THSD7B: variants seen among roughly 807,000 people sequenced by gnomAD.
THSD7B encodes the protein thrombospondin type-1 domain-containing protein 7B.
In THSD7B, 138 loss-of-function variants were observed where a neutral mutation model predicts 213.6. The observed-to-expected ratio is 0.65, with a 90% CI of 0.56 to 0.74. The LOEUF is 0.74. Ranked by LOEUF, THSD7B falls within the 30% of genes least tolerant of loss-of-function variation. THSD7B has a pLI of 0.00. For missense variants in THSD7B, 1,931 were observed against 1,991.5 expected (o/e 0.97, Z 0.58); for synonymous variants, 742 against 687.0 (o/e 1.08, Z -1.25).
chr2:137,453,677 A>G (rs1217041211), intron 15 of THSD7B, among the ~76,000 whole-genome samples: 1 of 152,132 alleles, frequency 6.6e-6, no homozygotes, highest in African/African-American at 2.4e-5. Context: ...CACTATTATT[A>G]ACTACATTTA....
chr2:137,516,025 C>T (rs556263596), intron 15 of THSD7B, among the ~76,000 whole-genome samples: 1 of 152,340 alleles, frequency 6.6e-6, no homozygotes, highest in African/African-American at 2.4e-5. Context: ...TCAACTACAA[C>T]ATTTAAATGC....
At chr2:137,015,994 AAT>A (rs1686332760) in intron 2 of THSD7B, among the ~76,000 whole-genome samples, 1 of 152,160 alleles carries the variant, frequency 6.6e-6, no homozygotes, top group Non-Finnish European at 1.5e-5. Context: ...GGTAAAACAG[AAT>A]AATTCAATTT....
chr2:137,102,196 C>A (rs1688164271), intron 4 of THSD7B, among the ~76,000 whole-genome samples: 1 of 152,218 alleles, frequency 6.6e-6, no homozygotes, highest in South Asian at 2.1e-4. Flanking sequence ...GAGGAAGGAA[C>A]AGGCAGCAAT....
chr2:136,881,927 G>T (rs1465613), intron 1 of THSD7B, among the ~76,000 whole-genome samples: 130,763 of 152,092 alleles, frequency 0.86, 56,581 homozygotes, highest in Non-Finnish European at 0.91. Flanking sequence ...TTTCATTCAT[G>T]AATACACTTC....
chr2:137,610,609 G>A (rs1266777400), intron 17 of THSD7B, among the ~76,000 whole-genome samples: 1 of 152,156 alleles, frequency 6.6e-6, no homozygotes, highest in Non-Finnish European at 1.5e-5. Context: ...CACATGAAGA[G>A]TTGACTCAGA....
chr2:137,520,765 T>C (rs1259220855), intron 15 of THSD7B, among the ~76,000 whole-genome samples: 2 of 152,194 alleles, frequency 1.3e-5, no homozygotes, highest in African/African-American at 4.8e-5. Flanking sequence ...CCAATAAACA[T>C]GGCAACATTC....
intron 13 of THSD7B, 98 bp downstream of exon 13, chr2:137,405,905 G>A (rs1296176788): frequency 9.2e-7 from 1 of 1,083,054 alleles, no homozygotes; most frequent in Non-Finnish European, 1.3e-6. Flanking sequence ...TTTGCATCAG[G>A]TCTCTTCCTC....
chr2:136,878,175 GT>G (rs1235385067), intron 1 of THSD7B, among the ~76,000 whole-genome samples: 5 of 152,096 alleles, frequency 3.3e-5, no homozygotes, highest in Non-Finnish European at 5.9e-5. Context: ...GCGGTGTTTG[GT>G]TTTTTGTCCT....
intron 12 of THSD7B, among the ~76,000 whole-genome samples, chr2:137,380,316 G>A (rs1033595514): frequency 6.6e-6 from 1 of 152,066 alleles, no homozygotes; most frequent in African/African-American, 2.4e-5. Context: ...CTACTCATTG[G>A]GAGAATTGCT....
intron 2 of THSD7B, among the ~76,000 whole-genome samples, chr2:136,919,853 G>C (rs929499819): frequency 2.6e-5 from 4 of 152,204 alleles, no homozygotes; most frequent in African/African-American, 9.7e-5. Context: ...CTGTGGCAGG[G>C]CGGGCAGCTC....
chr2:137,338,216 T>C (rs182238053), intron 12 of THSD7B, among the ~76,000 whole-genome samples: 1 of 152,182 alleles, frequency 6.6e-6, no homozygotes, highest in Non-Finnish European at 1.5e-5. Flanking sequence ...AATGGCCAGG[T>C]AGGCTTGCTC....
chr2:136,796,979 A>ATC (rs902154636), intron 1 of THSD7B, among the ~76,000 whole-genome samples: 6 of 73,528 alleles, frequency 8.2e-5, no homozygotes, highest in African/African-American at 2.4e-4. Context: ...ATCATATTTG[A>ATC]TCACACACAC....
At chr2:136,994,506 G>C (rs1685845778) in intron 2 of THSD7B, among the ~76,000 whole-genome samples, 1 of 152,190 alleles carries the variant, frequency 6.6e-6, no homozygotes, top group African/African-American at 2.4e-5. Flanking sequence ...GGCGGAGCTT[G>C]CAGTGAGCTG....
intron 2 of THSD7B, among the ~76,000 whole-genome samples, chr2:136,963,374 GC>G (rs1284386851): frequency 1.3e-5 from 2 of 152,188 alleles, no homozygotes; most frequent in African/African-American, 4.8e-5. Context: ...AAAGAACGGG[GC>G]TGAATACCCT....
chr2:137,230,744 A>G (rs1681617101), intron 7 of THSD7B, among the ~76,000 whole-genome samples: 1 of 152,172 alleles, frequency 6.6e-6, no homozygotes, highest in African/African-American at 2.4e-5. Context: ...AAAAGCATAT[A>G]CTTGTTATAT....
chr2:137,211,336 A>ACACACACACACACACACACACACAGAGG (rs1553479451), intron 7 of THSD7B, among the ~76,000 whole-genome samples: 18 of 77,348 alleles, frequency 2.3e-4, no homozygotes, highest in African/African-American at 7.0e-4. Context: ...CTTCCTACAC[A>ACACACACACACACACACACACACAGAGG]CACACACACA....
At chr2:136,968,904 T>G (rs79168496) in intron 2 of THSD7B, among the ~76,000 whole-genome samples, 44 of 152,286 alleles carry the variant, frequency 2.9e-4, no homozygotes, top group African/African-American at 1.0e-3. Flanking sequence ...ATAAAAATTA[T>G]GCAGCATGTT....
At chr2:136,885,272 T>A (rs1573688533) in intron 2 of THSD7B, among the ~76,000 whole-genome samples, 1 of 145,328 alleles carries the variant, frequency 6.9e-6, no homozygotes, top group Admixed American at 7.2e-5. Flanking sequence ...AATCGGTAGG[T>A]CCGATGTTAG....
chr2:137,677,461 A>AATT lies in THSD7B; in HGVS notation c.*857_*859dup, dbSNP rs1187107417. ...TGACAAACTCTGCTTTTGTAATTTC[A>AATT]ATTTTCTTATCTGAATATTTATAAA... is the stretch of plus-strand genomic sequence containing the variant. On this transcript the variant is annotated 3_prime_UTR_variant, in exon 28 of 28. Coordinates refer to ENST00000409968, the MANE Select transcript of THSD7B (RefSeq NM_001316349.2). The AATT allele has an allele frequency of 6.6e-6, 1 of 152,462 alleles. No individual in the cohort carries two copies. The highest frequency in any genetic ancestry group is 1.5e-5 in the Non-Finnish European group (1 of 68,030). The allele number at this position is 152,462 out of a possible 1,614,324, so 9.4% of individuals were successfully genotyped here.
Sources: allele counts gnomAD v4.1 joint callset (sites outside exome capture counted in the v4.1 genomes callset), GRCh38; gene constraint gnomAD v4.1.1; transcripts MANE v1.5; gene names NCBI Gene and HGNC (gene_info 2026-07-23, HGNC 2026-07-21).